The following NTM variants were observed in gnomAD, a reference collection of about 807,000 sequenced individuals.
The protein encoded by NTM is neurotrimin.
Under a neutral mutation model 42.1 loss-of-function variants are expected in NTM, and 13 were observed. The observed-to-expected ratio is 0.31, with a 90% CI of 0.20 to 0.49. NTM has a LOEUF of 0.49. Among genes scored for constraint, NTM ranks in the 20% least tolerant of loss-of-function variants. NTM has a pLI of 0.99. For synonymous variants in NTM, 187 were observed against 179.2 expected (o/e 1.04, Z -0.35); for missense variants, 373 against 452.8 (o/e 0.82, Z 1.60).
chr11:131,550,949 C>A (rs987825603), intron 1 of NTM, among the ~76,000 whole-genome samples: 5 of 152,194 alleles, frequency 3.3e-5, no homozygotes, highest in East Asian at 1.9e-4. Context: ...TGTTGCCCTG[C>A]TGGCTGTGGA....
intron 4 of NTM, among the ~76,000 whole-genome samples, chr11:132,290,269 T>TA (rs552381067): frequency 4.3e-4 from 66 of 152,260 alleles, no homozygotes; most frequent in African/African-American, 1.6e-3. Flanking sequence ...TTTTTTTTTT[T>TA]TTATTATCAC....
chr11:132,313,802 G>T (rs2095348323), intron 6 of NTM, among the ~76,000 whole-genome samples: 1 of 152,104 alleles, frequency 6.6e-6, no homozygotes, highest in African/African-American at 2.4e-5. Flanking sequence ...CATTTCTGTA[G>T]TGGCCCCCAG....
chr11:131,934,258 G>A (rs2058972711), intron 2 of NTM, among the ~76,000 whole-genome samples: 1 of 152,112 alleles, frequency 6.6e-6, no homozygotes, highest in Admixed American at 6.5e-5. Flanking sequence ...CATTGAGAAC[G>A]TTATTCCCTA....
chr11:131,471,050 G>A (rs765074312), intron 1 of NTM, among the ~76,000 whole-genome samples: 10 of 152,126 alleles, frequency 6.6e-5, no homozygotes, highest in Non-Finnish European at 1.5e-4. Flanking sequence ...ACATCAAGCT[G>A]GGAACATATT....
intron 3 of NTM, among the ~76,000 whole-genome samples, chr11:132,187,010 G>A (rs779955983): frequency 6.6e-6 from 1 of 152,130 alleles, no homozygotes; most frequent in Non-Finnish European, 1.5e-5. Flanking sequence ...GGAGAACATT[G>A]TCTACATCTG....
At chr11:131,994,204 T>G (rs972157144) in intron 2 of NTM, among the ~76,000 whole-genome samples, 1 of 152,194 alleles carries the variant, frequency 6.6e-6, no homozygotes, top group African/African-American at 2.4e-5. Context: ...AGAAGAACAG[T>G]TGTATTCTTT....
At chr11:131,859,988 A>C (rs1470854105) in intron 1 of NTM, among the ~76,000 whole-genome samples, 2 of 151,986 alleles carry the variant, frequency 1.3e-5, no homozygotes, top group Non-Finnish European at 2.9e-5. Context: ...AGAAAGGAAC[A>C]TGTGTTTCTT....
At chr11:131,564,730 G>A (rs1592065471) in intron 1 of NTM, among the ~76,000 whole-genome samples, 1 of 152,120 alleles carries the variant, frequency 6.6e-6, no homozygotes, top group African/African-American at 2.4e-5. Context: ...CACGTACCAT[G>A]AGATCTAGCC....
At chr11:132,190,421 G>A (rs1300772634) in intron 3 of NTM, among the ~76,000 whole-genome samples, 3 of 152,088 alleles carry the variant, frequency 2.0e-5, no homozygotes, top group African/African-American at 7.2e-5. Flanking sequence ...AAGGCCTGAA[G>A]GTTCTTAACC....
chr11:131,450,419 C>T (rs186871877), intron 1 of NTM, among the ~76,000 whole-genome samples: 2 of 152,266 alleles, frequency 1.3e-5, no homozygotes, highest in East Asian at 1.9e-4. Context: ...GTCACTTCTC[C>T]CTGAGCCCAT....
chr11:131,868,319 T>A (rs1167566973), intron 1 of NTM, among the ~76,000 whole-genome samples: 1 of 152,038 alleles, frequency 6.6e-6, no homozygotes, highest in Non-Finnish European at 1.5e-5. Flanking sequence ...CCCTCCTACC[T>A]CTTTTTCCTT....
chr11:132,195,845 A>T (rs1392853009), intron 3 of NTM, among the ~76,000 whole-genome samples: 1 of 152,194 alleles, frequency 6.6e-6, no homozygotes, highest in Non-Finnish European at 1.5e-5. Context: ...CTAAAACTAT[A>T]AAAACCCTTG....
chr11:132,268,666 C>CTGTGTGTGTGTG lies in NTM; in HGVS notation c.527-39022_527-39021insGTGTGTGTGTGT, dbSNP rs755450370. On this transcript the variant is annotated intron_variant, in intron 4 of 8. Coordinates refer to ENST00000683400, the MANE Select transcript of NTM (RefSeq NM_001352005.2). ...GTTTGTGGTGTGGGGTCCTCTCTCT[C>CTGTGTGTGTGTG]TCTCTGTGTGTGTGTGTGTGTGTGT... Among the ~76,000 whole-genome samples the CTGTGTGTGTGTG allele has an allele frequency of 3.7e-4, 33 of 88,042 alleles. No individual in the cohort carries two copies. The East Asian group carries it at 5.4e-3, about 15-fold the overall frequency. 57.8% of individuals were successfully genotyped at this position (88,042 alleles called of 152,430 possible). A position where few individuals can be genotyped will look rare whatever the true frequency, so the allele number is the denominator to read the frequency against.
chr11:131,469,027 G>A (rs1952166126), intron 1 of NTM, among the ~76,000 whole-genome samples: 1 of 152,238 alleles, frequency 6.6e-6, no homozygotes, highest in Admixed American at 6.5e-5. Context: ...CCCATGGCCT[G>A]TGGCTCTAGC....
At chr11:131,925,593 C>T (rs2057838796) in intron 2 of NTM, among the ~76,000 whole-genome samples, 1 of 151,958 alleles carries the variant, frequency 6.6e-6, no homozygotes, top group African/African-American at 2.4e-5. Context: ...ACCATGTTGC[C>T]GAGGAGGTCT....
intron 1 of NTM, among the ~76,000 whole-genome samples, chr11:131,407,406 G>A (rs577889860): frequency 5.3e-4 from 81 of 152,274 alleles, no homozygotes; most frequent in African/African-American, 1.9e-3. Context: ...ACAGCACTTC[G>A]TGGAATTGTG....
intron 2 of NTM, among the ~76,000 whole-genome samples, chr11:132,121,369 G>C (rs1334431497): frequency 6.6e-6 from 1 of 151,882 alleles, no homozygotes; most frequent in Non-Finnish European, 1.5e-5. Flanking sequence ...AGATACCACA[G>C]TATAACAGAA....
chr11:131,844,893 T>C (rs1157396624), intron 1 of NTM, among the ~76,000 whole-genome samples: 1 of 152,208 alleles, frequency 6.6e-6, no homozygotes, highest in Non-Finnish European at 1.5e-5. Flanking sequence ...TAGATAATCA[T>C]ATCATTAGGC....
At chr11:131,452,450 A>G (rs1184275592) in intron 1 of NTM, among the ~76,000 whole-genome samples, 2 of 152,218 alleles carry the variant, frequency 1.3e-5, no homozygotes, top group African/African-American at 2.4e-5. Flanking sequence ...ACTTCTTTCT[A>G]GAGTGTTCTG....
Sources: gnomAD v4.1 joint callset for allele counts (sites outside exome capture counted in the v4.1 genomes callset) on GRCh38, gnomAD v4.1.1 for gene constraint, MANE v1.5 for transcripts, NCBI Gene and HGNC (gene_info 2026-07-23, HGNC 2026-07-21) for gene names.